Variants in CNTNAP2 observed in about 807,000 individuals in gnomAD.
The protein encoded by CNTNAP2 is contactin-associated protein-like 2.
CNTNAP2 carries 98 observed loss-of-function variants against 155.2 expected under a neutral mutation model. The observed-to-expected ratio is 0.63, with a 90% CI of 0.54 to 0.75. CNTNAP2 has a LOEUF of 0.75. Among genes scored for constraint, CNTNAP2 ranks in the 30% least tolerant of loss-of-function variants. The pLI is 0.00. For synonymous variants in CNTNAP2, 651 were observed against 631.2 expected (o/e 1.03, Z -0.47); for missense variants, 1,727 against 1,688.1 (o/e 1.02, Z -0.40).
intron 15 of CNTNAP2, among the ~76,000 whole-genome samples, chr7:148,066,667 T>G (rs949186047): frequency 3.3e-5 from 5 of 151,584 alleles, no homozygotes; most frequent in African/African-American, 1.2e-4. Context: ...CCAGCTAATT[T>G]TTTTGTATTT....
chr7:147,604,640 ACT>A (rs1454160228), intron 12 of CNTNAP2, among the ~76,000 whole-genome samples: 10 of 152,010 alleles, frequency 6.6e-5, no homozygotes, highest in African/African-American at 2.4e-4. Flanking sequence ...CTCTGTGGAA[ACT>A]CTGTTGTTTT....
intron 18 of CNTNAP2, among the ~76,000 whole-genome samples, chr7:148,181,539 C>G (rs1795037809): frequency 6.6e-6 from 1 of 152,232 alleles, no homozygotes; most frequent in Admixed American, 6.5e-5. Context: ...GGTAAAATAA[C>G]ATTCCCCCTA....
intron 9 of CNTNAP2, among the ~76,000 whole-genome samples, chr7:147,314,067 C>G (rs1435498126): frequency 6.6e-6 from 1 of 152,046 alleles, no homozygotes; most frequent in Non-Finnish European, 1.5e-5. Flanking sequence ...CTCTGTTTGT[C>G]TGTTATTGGT....
At chr7:147,418,968 T>C (rs1346557017) in intron 10 of CNTNAP2, among the ~76,000 whole-genome samples, 2 of 152,210 alleles carry the variant, frequency 1.3e-5, no homozygotes, top group African/African-American at 4.8e-5. Flanking sequence ...CTGAACTCAG[T>C]GGTGAACGTA....
intron 13 of CNTNAP2, among the ~76,000 whole-genome samples, chr7:147,718,874 C>A (rs1334892366): frequency 6.6e-6 from 1 of 152,060 alleles, no homozygotes; most frequent in Non-Finnish European, 1.5e-5. Context: ...TTCCAGTACA[C>A]AATAATAGTG....
At chr7:146,231,252 A>G (rs1056104468) in intron 1 of CNTNAP2, among the ~76,000 whole-genome samples, 4 of 152,152 alleles carry the variant, frequency 2.6e-5, no homozygotes, top group Admixed American at 2.6e-4. Context: ...ACATGGAAAT[A>G]GGGCACACCC....
intron 9 of CNTNAP2, among the ~76,000 whole-genome samples, chr7:147,368,179 T>C (rs1230680482): frequency 6.6e-6 from 1 of 150,550 alleles, no homozygotes; most frequent in East Asian, 2.0e-4. Flanking sequence ...CCCTAACAGA[T>C]TTTATTTTGG....
At chr7:146,871,726 G>T (rs766061881) in intron 3 of CNTNAP2, among the ~76,000 whole-genome samples, 52 of 151,734 alleles carry the variant, frequency 3.4e-4, no homozygotes, top group South Asian at 1.0e-3. Flanking sequence ...TAGTGACATG[G>T]ATGTATTTTT....
At chr7:146,464,897 TA>T (rs1796693179) in intron 1 of CNTNAP2, among the ~76,000 whole-genome samples, 1 of 152,152 alleles carries the variant, frequency 6.6e-6, no homozygotes, top group East Asian at 1.9e-4. Context: ...ATTTTAATGA[TA>T]TTGTAGCCTG....
rs546372931 is a variant in CNTNAP2 at position 147,697,564 on chromosome 7, T to TA, written c.2098+58259dup. On this transcript the variant is annotated intron_variant, in intron 13 of 23. Transcript: ENST00000361727. ...TTTTTTGCCTTTATTAATATAGTGA[T>TA]ACGTTGTGGGGGAGCGGGGAAGCAT... Among the ~76,000 whole-genome samples the TA allele has an allele frequency of 4.1e-3, 624 of 152,298 alleles. 1 individual carries two copies. Among genetic ancestry groups the TA allele is most frequent in the African/African-American group, 0.014 (579 of 41,560 alleles).
chr7:146,759,209 A>G (rs1490667468), intron 1 of CNTNAP2, among the ~76,000 whole-genome samples: 1 of 152,146 alleles, frequency 6.6e-6, no homozygotes, highest in East Asian at 1.9e-4. Context: ...TCAATGCAAC[A>G]TATTTTTACG....
chr7:147,071,325 C>CA (rs57444105), intron 4 of CNTNAP2, among the ~76,000 whole-genome samples: 2,263 of 132,810 alleles, frequency 0.017, 31 homozygotes, highest in Middle Eastern at 0.038. Context: ...GATTATCCTG[C>CA]AAAAAAAAAA....
intron 15 of CNTNAP2, among the ~76,000 whole-genome samples, chr7:148,053,278 C>T (rs772048966): frequency 2.6e-5 from 4 of 151,986 alleles, no homozygotes; most frequent in Non-Finnish European, 5.9e-5. Flanking sequence ...TTATGGTTTT[C>T]TGATTATTCC....
At chr7:146,736,764 A>G (rs1389575265) in intron 1 of CNTNAP2, among the ~76,000 whole-genome samples, 1 of 152,224 alleles carries the variant, frequency 6.6e-6, no homozygotes, top group Non-Finnish European at 1.5e-5. Flanking sequence ...CTGAAGAAAT[A>G]AAGGATTAAG....
chr7:146,222,966 G>T (rs971746661), intron 1 of CNTNAP2, among the ~76,000 whole-genome samples: 4 of 151,998 alleles, frequency 2.6e-5, no homozygotes, highest in African/African-American at 7.3e-5. Flanking sequence ...GCCAGGAAAA[G>T]GTAAATTTTT....
intron 21 of CNTNAP2, among the ~76,000 whole-genome samples, chr7:148,351,410 A>G (rs979198358): frequency 1.3e-5 from 2 of 152,010 alleles, no homozygotes; most frequent in South Asian, 2.1e-4. Context: ...AGCCCTAAGG[A>G]AAGTGTGGTG....
intron 13 of CNTNAP2, among the ~76,000 whole-genome samples, chr7:147,793,769 T>A (rs1797853899): frequency 6.6e-6 from 1 of 152,062 alleles, no homozygotes; most frequent in African/African-American, 2.4e-5. Flanking sequence ...AAGTCCCATA[T>A]AAACAATATT....
chr7:147,017,367 A>ATT (rs71165061), intron 3 of CNTNAP2, among the ~76,000 whole-genome samples: 6,293 of 151,678 alleles, frequency 0.041, 145 homozygotes, highest in African/African-American at 0.057. Context: ...AAAATACTGC[A>ATT]TTTTTTTACT....
intron 1 of CNTNAP2, among the ~76,000 whole-genome samples, chr7:146,517,884 A>G (rs1286896599): frequency 6.6e-6 from 1 of 151,912 alleles, no homozygotes; most frequent in African/African-American, 2.4e-5. Context: ...ATAGCCCATT[A>G]TATGAATGCG....
Sources: gnomAD v4.1 joint callset for allele counts (sites outside exome capture counted in the v4.1 genomes callset) on GRCh38, gnomAD v4.1.1 for gene constraint, MANE v1.5 for transcripts, NCBI Gene and HGNC (gene_info 2026-07-23, HGNC 2026-07-21) for gene names.